The following WWTR1 variants were observed in gnomAD, a reference collection of about 807,000 sequenced individuals.
WWTR1 encodes WW domain containing transcription regulator 1.
WWTR1 carries 13 observed loss-of-function variants against 40.1 expected under a neutral mutation model. That is an observed-to-expected ratio of 0.32 (90% CI 0.21 to 0.52). The LOEUF (loss-of-function observed/expected upper bound fraction) is 0.52. Ranked by LOEUF, WWTR1 falls within the 20% of genes least tolerant of loss-of-function variation. WWTR1 has a pLI of 0.97. For missense variants in WWTR1, 436 were observed against 523.1 expected (o/e 0.83, Z 1.63); for synonymous variants, 230 against 210.1 (o/e 1.09, Z -0.82).
At chr3:149,579,425 AT>A (rs1198172127) in intron 2 of WWTR1, among the ~76,000 whole-genome samples, 1 of 152,210 alleles carries the variant, frequency 6.6e-6, no homozygotes, top group East Asian at 1.9e-4. Context: ...CCCTGTCTTC[AT>A]CCCCTCAGTG....
chr3:149,549,739 TG>T (rs1255028235), intron 3 of WWTR1, among the ~76,000 whole-genome samples: 1 of 152,008 alleles, frequency 6.6e-6, no homozygotes, highest in Non-Finnish European at 1.5e-5. Context: ...CTTGGGAGGC[TG>T]GGGCAGGAGG....
chr3:149,669,109 C>T (rs943264371), intron 2 of WWTR1, among the ~76,000 whole-genome samples: 9 of 152,154 alleles, frequency 5.9e-5, no homozygotes, highest in African/African-American at 1.9e-4. Context: ...TCTATTTCAC[C>T]ACTGCCAGGG....
intron 1 of WWTR1, among the ~76,000 whole-genome samples, chr3:149,695,843 T>A (rs1375160753): frequency 6.7e-6 from 1 of 149,718 alleles, no homozygotes; most frequent in Non-Finnish European, 1.5e-5. Flanking sequence ...CCGGACGCAG[T>A]GGCTCATGCC....
At position 149,553,804 on chromosome 3, in the gene WWTR1, A is replaced by G. The variant is rs1187244197; in HGVS notation, c.569-11267T>C. 2.0e-5 allele frequency among the ~76,000 whole-genome samples: 3 copies of G among 152,256 alleles called. No homozygotes were observed. The East Asian group carries it at 5.8e-4, about 29-fold the overall frequency. On this transcript the variant is annotated intron_variant, in intron 3 of 6. Coordinates refer to ENST00000360632, the MANE Select transcript of WWTR1 (RefSeq NM_015472.6). ...CTTTTCCTCTGTTTATGCGCCGTCC[A>G]TGGCTTAACTCATGTGAACTGGCCA...
intron 3 of WWTR1, among the ~76,000 whole-genome samples, chr3:149,553,844 G>A (rs955709316): frequency 2.6e-5 from 4 of 152,000 alleles, no homozygotes; most frequent in African/African-American, 9.7e-5. Context: ...CAGGTGTCAC[G>A]CAGCCCTGTC....
chr3:149,632,709 C>A (rs1711603860), intron 2 of WWTR1, among the ~76,000 whole-genome samples: 1 of 152,174 alleles, frequency 6.6e-6, no homozygotes, highest in African/African-American at 2.4e-5. Flanking sequence ...CAATGCAATA[C>A]TATTAAGCCA....
intron 5 of WWTR1, among the ~76,000 whole-genome samples, chr3:149,711,116 G>A (rs1243659407): frequency 6.7e-6 from 1 of 149,492 alleles, no homozygotes; most frequent in African/African-American, 2.5e-5. Flanking sequence ...AAGAAGATGG[G>A]AAGGGGTGAA....
chr3:149,588,674 T>C (rs1738552498), intron 2 of WWTR1, among the ~76,000 whole-genome samples: 2 of 152,148 alleles, frequency 1.3e-5, no homozygotes, highest in Non-Finnish European at 2.9e-5. Context: ...ATTTCTTTGT[T>C]CTTTTTGTAC....
intron 1 of WWTR1, among the ~76,000 whole-genome samples, chr3:149,679,148 G>A (rs551329820): frequency 3.3e-5 from 5 of 152,256 alleles, no homozygotes; most frequent in Admixed American, 6.5e-5. Flanking sequence ...ATATGTTTTT[G>A]TAAAATTTAT....
chr3:149,701,442 G>T (rs1715166934), intron 1 of WWTR1, among the ~76,000 whole-genome samples: 1 of 152,126 alleles, frequency 6.6e-6, no homozygotes, highest in African/African-American at 2.4e-5. Flanking sequence ...TTCTGGGCTG[G>T]ACTTCCCATT....
rs147258467 is a variant in WWTR1, at chr3:149,628,318, G to A, written c.431+28558C>T. Reference sequence around the variant, plus strand: ...CCGGGAGGCAGAGCTTGCGGTGGCCGAGATCACGCCACTGCACTCCAGCCT... The same window carrying A: ...CCGGGAGGCAGAGCTTGCGGTGGCCAAGATCACGCCACTGCACTCCAGCCT... On this transcript the variant is annotated intron_variant, in intron 2 of 6. Transcript: ENST00000360632. Among the ~76,000 whole-genome samples the A allele has an allele frequency of 9.5e-3, 1,452 of 152,290 alleles. 49 individuals are homozygous for A. Among genetic ancestry groups the A allele is most frequent in the Admixed American group, 0.055 (844 of 15,310 alleles).
chr3:149,519,288 G>A lies in WWTR1; in HGVS notation c.*1517C>T, dbSNP rs1209231717. The A allele has an allele frequency of 1.3e-5, 2 of 152,140 alleles. No homozygotes were observed. The highest frequency in any genetic ancestry group is 2.9e-5 in the Non-Finnish European group (2 of 68,018). 9.4% of individuals were successfully genotyped at this position (152,140 alleles called of 1,614,324 possible). ...TATTTCATGCCTTTTTATACCAACT[G>A]TAGCAAACAGGATTAGGATAATATA... On this transcript the variant is annotated 3_prime_UTR_variant, in exon 7 of 7. Transcript: ENST00000360632.
At chr3:149,523,451 T>G (rs1184088146) in intron 6 of WWTR1, among the ~76,000 whole-genome samples, 1 of 152,182 alleles carries the variant, frequency 6.6e-6, no homozygotes, top group Non-Finnish European at 1.5e-5. Context: ...TTTCTCCATG[T>G]TGGTCAGGCT....
chr3:149,660,307 C>A (rs576220744), upstream of WWTR1: 1 of 152,224 alleles, frequency 6.6e-6, no homozygotes, highest in East Asian at 1.9e-4. Context: ...AAAGTCCTCA[C>A]TCCCGAAGAA....
chr3:149,592,641 C>T (rs1738785273), intron 2 of WWTR1, among the ~76,000 whole-genome samples: 1 of 152,168 alleles, frequency 6.6e-6, no homozygotes, highest in East Asian at 1.9e-4. Context: ...GTAAAACACA[C>T]ATGTAAATTT....
chr3:149,643,981 A>G (rs189940963), intron 2 of WWTR1, among the ~76,000 whole-genome samples: 4 of 152,196 alleles, frequency 2.6e-5, no homozygotes, highest in African/African-American at 9.6e-5. Flanking sequence ...TAACCTCTCT[A>G]AGAAATCTCA....
intron 2 of WWTR1, among the ~76,000 whole-genome samples, chr3:149,599,802 A>C (rs140021910): frequency 8.9e-4 from 136 of 152,356 alleles, no homozygotes; most frequent in African/African-American, 3.3e-3. Flanking sequence ...AGGATCCATT[A>C]AGTTACATGT....
At chr3:149,613,813 T>C (rs939076138) in intron 2 of WWTR1, among the ~76,000 whole-genome samples, 5 of 152,206 alleles carry the variant, frequency 3.3e-5, no homozygotes, top group Non-Finnish European at 7.3e-5. Context: ...TTCAAAGTGC[T>C]GGTATTAGTG....
intron 3 of WWTR1, among the ~76,000 whole-genome samples, chr3:149,552,084 A>T (rs1455641177): frequency 6.9e-6 from 1 of 144,952 alleles, no homozygotes. Context: ...TTCCTGTTGG[A>T]CTCCTGGTTG....
Sources: allele counts gnomAD v4.1 joint callset (sites outside exome capture counted in the v4.1 genomes callset), GRCh38; gene constraint gnomAD v4.1.1; transcripts MANE v1.5; gene names NCBI Gene and HGNC (gene_info 2026-07-23, HGNC 2026-07-21).